The following MUC7 variants were observed in gnomAD, a reference collection of about 807,000 sequenced individuals.
The protein encoded by MUC7 is mucin-7.
In MUC7, 2 loss-of-function variants were observed where a neutral mutation model predicts 2.5. The observed-to-expected ratio is 0.81, with a 90% confidence interval of 0.33 to 2.55. The LOEUF (loss-of-function observed/expected upper bound fraction) is 2.55. Among genes scored for constraint, MUC7 ranks in the 30% most tolerant of loss-of-function variants. The pLI is 0.11. For synonymous variants in MUC7, 133 were observed against 173.4 expected, an observed-to-expected ratio of 0.77 and a Z score of 1.83; for missense variants, 408 against 455.6, an observed-to-expected ratio of 0.90 and a Z score of 0.95.
In MUC7 at chr4:70,481,497, CT is replaced by C. The variant is rs1277822332; in HGVS notation, c.754del (p.Ser252GlnfsTer18). 2 of 1,602,468 alleles carry C rather than the reference CT, an allele frequency of 1.2e-6. No homozygotes were observed. The highest frequency in any genetic ancestry group is 3.4e-5 in the Admixed American group (2 of 59,286). On this transcript the variant is annotated frameshift_variant, in exon 3 of 3. Coordinates refer to ENST00000304887, the MANE Select transcript of MUC7 (RefSeq NM_152291.3). LOFTEE classifies it low-confidence loss of function (END_TRUNC). ...SATTPAPLSS[S>X]APPETTAVPP... is the part of the protein sequence containing the mutation. ...CAACTACACCAGCTCCACTATCTTC[CT>C]CAGCTCCACCAGAGACCACAGCTGT...
intron 1 of MUC7, among the ~76,000 whole-genome samples, chr4:70,444,577 C>G (rs1419637049): frequency 6.6e-6 from 1 of 152,206 alleles, no homozygotes; most frequent in Admixed American, 6.5e-5. Flanking sequence ...CTTCTGACAC[C>G]ACTGCAATTG....
At chr4:70,477,508 G>C (rs185014255) in intron 2 of MUC7, among the ~76,000 whole-genome samples, 1 of 151,854 alleles carries the variant, frequency 6.6e-6, no homozygotes, top group Admixed American at 6.6e-5. Flanking sequence ...AGAGAATTTG[G>C]CATTCCTCTA....
At chr4:70,464,665 G>T (rs915368123) in intron 1 of MUC7, among the ~76,000 whole-genome samples, 3 of 152,104 alleles carry the variant, frequency 2.0e-5, no homozygotes, top group Non-Finnish European at 4.4e-5. Flanking sequence ...CCAAAGCTCA[G>T]CAAAGCCACT....
At chr4:70,457,129 T>C (rs780980765) in intron 1 of MUC7, among the ~76,000 whole-genome samples, 2 of 152,158 alleles carry the variant, frequency 1.3e-5, no homozygotes, top group Non-Finnish European at 2.9e-5. Context: ...AACAGAACAA[T>C]GTAGCCATTT....
intron 1 of MUC7, among the ~76,000 whole-genome samples, chr4:70,472,527 GAAT>G (rs10595306): frequency 0.013 from 2,052 of 152,248 alleles, 47 homozygotes; most frequent in African/African-American, 0.047. Context: ...GGAACCTGAA[GAAT>G]AATAAGTAAC....
At chr4:70,470,492 C>G (rs1734809546), upstream of MUC7, among the ~76,000 whole-genome samples, 1 of 151,948 alleles carries the variant, frequency 6.6e-6, no homozygotes. Flanking sequence ...CATAATATGT[C>G]CAGATATTCT....
rs56009553 is a variant in MUC7, at chr4:70,435,525, C to G, written c.-93+4838C>G. 7.8e-3 allele frequency among the ~76,000 whole-genome samples: 1,190 copies of G among 152,204 alleles called. 19 individuals carry two copies. Among genetic ancestry groups the G allele is most frequent in the African/African-American group, 0.027 (1,111 of 41,510 alleles). The stretch of plus-strand genomic sequence containing the variant: ...TTTTATCAGAGACTAGGATTGCAAC[C>G]CCTGCTTTTTCTTGCTTTCCATTTC... On this transcript the variant is annotated intron_variant, in intron 1 of 3. Transcript: ENST00000413702.
intron 2 of MUC7, among the ~76,000 whole-genome samples, chr4:70,476,354 A>G (rs1342462149): frequency 6.6e-6 from 1 of 152,198 alleles, no homozygotes; most frequent in Non-Finnish European, 1.5e-5. Flanking sequence ...GAAATGATGA[A>G]TCTGGGTTGT....
chr4:70,446,545 G>C (rs1483979424), intron 1 of MUC7, among the ~76,000 whole-genome samples: 1 of 152,056 alleles, frequency 6.6e-6, no homozygotes, highest in Non-Finnish European at 1.5e-5. Context: ...CTTCTTATAA[G>C]GACAGTAGTT....
intron 1 of MUC7, among the ~76,000 whole-genome samples, chr4:70,435,225 A>C (rs984497781): frequency 1.3e-5 from 2 of 152,108 alleles, no homozygotes; most frequent in Non-Finnish European, 2.9e-5. Flanking sequence ...TATTAGATCC[A>C]CTTGGTCCAG....
At chr4:70,451,817 T>G (rs1734288101) in intron 1 of MUC7, among the ~76,000 whole-genome samples, 1 of 152,218 alleles carries the variant, frequency 6.6e-6, no homozygotes, top group Admixed American at 6.5e-5. Flanking sequence ...GTTTCTTTGT[T>G]GATTTTGTAT....
chr4:70,468,920 T>C (rs925059965), upstream of MUC7, among the ~76,000 whole-genome samples: 6 of 152,124 alleles, frequency 3.9e-5, no homozygotes, highest in African/African-American at 1.2e-4. Context: ...AAATGTCATA[T>C]GGAACCAAAA....
At chr4:70,450,499 C>G (rs1473667721) in intron 1 of MUC7, among the ~76,000 whole-genome samples, 1 of 152,186 alleles carries the variant, frequency 6.6e-6, no homozygotes, top group Non-Finnish European at 1.5e-5. Context: ...TTTCCCTCTG[C>G]TTTTCTTAAG....
chr4:70,459,256 AATG>A (rs1249617828), intron 1 of MUC7, among the ~76,000 whole-genome samples: 2 of 152,222 alleles, frequency 1.3e-5, no homozygotes, highest in African/African-American at 4.8e-5. Flanking sequence ...AGCCGTAAAA[AATG>A]ATGAGTTCAT....
chr4:70,472,895 G>T (rs1360487583), intron 1 of MUC7, among the ~76,000 whole-genome samples: 1 of 152,132 alleles, frequency 6.6e-6, no homozygotes, highest in African/African-American at 2.4e-5. Context: ...CTGTCTATAT[G>T]ATTTAACCTT....
intron 1 of MUC7, among the ~76,000 whole-genome samples, chr4:70,451,642 A>G (rs959987445): frequency 6.6e-6 from 1 of 151,772 alleles, no homozygotes; most frequent in African/African-American, 2.4e-5. Flanking sequence ...TACTATTTCA[A>G]TTTTTTTTAA....
At chr4:70,443,053 T>C (rs1183775280) in intron 1 of MUC7, among the ~76,000 whole-genome samples, 1 of 152,170 alleles carries the variant, frequency 6.6e-6, no homozygotes. Context: ...GTGAACTTAC[T>C]TCTTAAAACA....
chr4:70,431,825 G>A (rs1733674666), intron 1 of MUC7, among the ~76,000 whole-genome samples: 1 of 151,988 alleles, frequency 6.6e-6, no homozygotes, highest in Admixed American at 6.6e-5. Context: ...GTATACATGT[G>A]CCATGTTGGT....
In MUC7 at chr4:70,443,148, C is replaced by A. The variant is rs1734047230; in HGVS notation, c.-93+12461C>A. Among the ~76,000 whole-genome samples the A allele has an allele frequency of 2.0e-5, 3 of 152,036 alleles. 1 individual carries two copies. Among genetic ancestry groups the A allele is most frequent in the South Asian group, 4.1e-4 (2 of 4,822 alleles). ...TAAAACACCCAGATGTTTATATTCA[C>A]CCTAAATTAGATCAATTCAAATCTC... On this transcript the variant is annotated intron_variant, in intron 1 of 3. Transcript: ENST00000413702.
Sources: gnomAD v4.1 joint callset for allele counts (sites outside exome capture counted in the v4.1 genomes callset) on GRCh38, gnomAD v4.1.1 for gene constraint, MANE v1.5 for transcripts, NCBI Gene and HGNC (gene_info 2026-07-23, HGNC 2026-07-21) for gene names.